MYO9A: variants seen among roughly 807,000 people sequenced by gnomAD.
MYO9A encodes the protein unconventional myosin-IXa.
MYO9A carries 103 observed loss-of-function variants against 293.3 expected under a neutral mutation model. That is an observed-to-expected ratio of 0.35 (90% CI 0.30 to 0.41). MYO9A has a LOEUF of 0.41. Among genes scored for constraint, MYO9A ranks in the 10% least tolerant of loss-of-function variants. MYO9A has a pLI of 1.00. For synonymous variants in MYO9A, 1,001 were observed against 1,035.7 expected (o/e 0.97, Z 0.64); for missense variants, 2,685 against 3,033.0 (o/e 0.89, Z 2.69).
chr15:71,991,268 G>A, intron 10 of MYO9A, 31 bp from the exon 11 acceptor site: 1 of 1,516,628 alleles, frequency 6.6e-7, no homozygotes, highest in Non-Finnish European at 8.9e-7. Flanking sequence ...TTGATTAAAA[G>A]TAATGTTTAA....
At chr15:72,027,262 C>G (rs974697812) in intron 4 of MYO9A, among the ~76,000 whole-genome samples, 1 of 152,136 alleles carries the variant, frequency 6.6e-6, no homozygotes, top group African/African-American at 2.4e-5. Flanking sequence ...AAGTCAAACC[C>G]TCTCTTAACC....
chr15:72,015,997 C>T (rs1408404295), intron 6 of MYO9A, among the ~76,000 whole-genome samples: 1 of 151,938 alleles, frequency 6.6e-6, no homozygotes, highest in East Asian at 1.9e-4. Context: ...CTCAGATCAG[C>T]TTTAAGGTAC....
At chr15:71,892,561 C>G (rs992031349) in intron 26 of MYO9A, 1 of 155,182 alleles carries the variant, frequency 6.4e-6, no homozygotes, top group Admixed American at 6.3e-5. Flanking sequence ...CATTTGTTTA[C>G]TTAGTGTCTA....
At chr15:71,932,848 G>A (rs1391377103) in intron 18 of MYO9A, among the ~76,000 whole-genome samples, 2 of 152,034 alleles carry the variant, frequency 1.3e-5, no homozygotes, top group East Asian at 1.9e-4. Flanking sequence ...TTATTGGTGA[G>A]TTAAGTATTC....
chr15:71,833,290 GA>G (rs1031437492), intron 39 of MYO9A, among the ~76,000 whole-genome samples: 1 of 150,762 alleles, frequency 6.6e-6, no homozygotes. Context: ...AAAGAAATGG[GA>G]AAAAAAAGAC....
At chr15:71,963,966 C>A (rs1488119995) in intron 13 of MYO9A, among the ~76,000 whole-genome samples, 1 of 152,138 alleles carries the variant, frequency 6.6e-6, no homozygotes, top group African/African-American at 2.4e-5. Context: ...ATTATTTAGC[C>A]AACAGAATTT....
intron 1 of MYO9A, among the ~76,000 whole-genome samples, chr15:72,075,714 C>G (rs2079329323): frequency 6.6e-6 from 1 of 151,876 alleles, no homozygotes; most frequent in South Asian, 2.1e-4. Context: ...TGCTTGAGTC[C>G]AGGAGTTCAA....
At position 71,982,005 on chromosome 15, in the gene MYO9A, A is replaced by ATTTTTTTT. The variant is rs750930471; in HGVS notation, c.1723-3721_1723-3714dup. ...TTGTTCAACCTCTAGCCTATTTAGA[A>ATTTTTTTT]TTTTTTTTTTTTTTTTTTTTTTTTT... On this transcript the variant is annotated intron_variant, in intron 11 of 41. Coordinates refer to ENST00000356056, the MANE Select transcript of MYO9A (RefSeq NM_006901.4). Among the ~76,000 whole-genome samples, 107 of 56,308 alleles carry ATTTTTTTT rather than the reference A, an allele frequency of 1.9e-3. 8 individuals carry two copies. The highest frequency in any genetic ancestry group is 3.0e-3 in the African/African-American group (34 of 11,496). 36.9% of individuals were successfully genotyped at this position (56,308 alleles called of 152,430 possible).
chr15:71,843,897 A>G (rs542781549), intron 39 of MYO9A, among the ~76,000 whole-genome samples: 5 of 152,270 alleles, frequency 3.3e-5, no homozygotes, highest in Admixed American at 1.3e-4. Context: ...AAGCACCAAA[A>G]TTTACATTAA....
chr15:72,087,122 C>G (rs1180876480), intron 1 of MYO9A, among the ~76,000 whole-genome samples: 1 of 152,144 alleles, frequency 6.6e-6, no homozygotes, highest in Non-Finnish European at 1.5e-5. Context: ...GTCAGCCAGC[C>G]CAGGAGCTAT....
Position 71,938,919 on chromosome 15 carries a change from G to C in MYO9A, c.2311C>G (p.Arg771Gly). 1 of 1,605,850 alleles carries C rather than the reference G, an allele frequency of 6.2e-7. No homozygotes were observed. Among genetic ancestry groups the C allele is most frequent in the African/African-American group, 1.3e-5 (1 of 74,380 alleles). The change falls in exon 16 of 42, where the codon CGG becomes GGG. Residue 771 changes from arginine to glycine, a missense_variant. Transcript: ENST00000356056. Reference sequence around the variant, plus strand: ...GAAAGAGGTGTTCTGGGATTTTTCCGGGTTATACCTAGCAAAATTTAAAAA... The same window carrying C: ...GAAAGAGGTGTTCTGGGATTTTTCCCGGTTATACCTAGCAAAATTTAAAAA... ...RCKEEKYSIT[R>G]KNPRTPLSDL...
intron 2 of MYO9A, among the ~76,000 whole-genome samples, chr15:72,039,750 T>C (rs975652644): frequency 3.9e-5 from 6 of 151,986 alleles, no homozygotes; most frequent in African/African-American, 1.4e-4. Flanking sequence ...AATCGCTTGA[T>C]CCCGGCAAGT....
chr15:72,041,315 A>C (rs2078219295), intron 2 of MYO9A: 15 of 745,858 alleles, frequency 2.0e-5, no homozygotes, highest in South Asian at 2.7e-5. Context: ...CTGGCAGTTT[A>C]AGATCCTCAG....
Position 71,962,366 on chromosome 15 carries a change from T to C in MYO9A, c.1987-2270A>G, listed in dbSNP as rs28589979. Among the ~76,000 whole-genome samples, 858 of 152,330 alleles carry C rather than the reference T, an allele frequency of 5.6e-3. 11 individuals carry two copies. The highest frequency in any genetic ancestry group is 0.02 in the African/African-American group (812 of 41,558). ...ATGTACAGAAGTCAGCTTGCACTTA[T>C]CCTATTACTTTTAGGGTTTTCCTTT... On this transcript the variant is annotated intron_variant, in intron 13 of 41. Transcript: ENST00000356056.
At chr15:72,110,877 C>T (rs757236646) in intron 1 of MYO9A, among the ~76,000 whole-genome samples, 2 of 152,102 alleles carry the variant, frequency 1.3e-5, no homozygotes, top group Non-Finnish European at 2.9e-5. Context: ...TTCTTGATTT[C>T]GGCCGGGCAT....
chr15:71,878,454 G>A (rs779693479), intron 30 of MYO9A, among the ~76,000 whole-genome samples: 1 of 152,092 alleles, frequency 6.6e-6, no homozygotes, highest in East Asian at 1.9e-4. Context: ...AAACCTGACG[G>A]TAATAATTTG....
At chr15:72,036,197 G>C (rs911419903) in intron 2 of MYO9A, among the ~76,000 whole-genome samples, 2 of 152,086 alleles carry the variant, frequency 1.3e-5, no homozygotes, top group Non-Finnish European at 2.9e-5. Context: ...ATCTATATAA[G>C]GAAGGAAGAA....
chr15:71,990,935 C>T (rs1316923361), intron 11 of MYO9A, among the ~76,000 whole-genome samples, 168 bp downstream of exon 11: 1 of 152,078 alleles, frequency 6.6e-6, no homozygotes, highest in Non-Finnish European at 1.5e-5. Flanking sequence ...TATTTGTTCC[C>T]AAGCCAATTT....
At chr15:71,984,654 CTTCTGG>C (rs1011275600) in intron 11 of MYO9A, among the ~76,000 whole-genome samples, 4 of 152,084 alleles carry the variant, frequency 2.6e-5, no homozygotes, top group Non-Finnish European at 4.4e-5. Flanking sequence ...TCAGTATTTT[CTTCTGG>C]TCTATCTTCC....
Sources: gnomAD v4.1 joint callset for allele counts (sites outside exome capture counted in the v4.1 genomes callset) on GRCh38, gnomAD v4.1.1 for gene constraint, MANE v1.5 for transcripts, NCBI Gene and HGNC (gene_info 2026-07-23, HGNC 2026-07-21) for gene names.